NFIB: variants seen among roughly 807,000 people sequenced by gnomAD.
NFIB encodes nuclear factor I B.
NFIB carries 11 observed loss-of-function variants against 61.5 expected under a neutral mutation model. That is an observed-to-expected ratio of 0.18 (90% CI 0.11 to 0.30). The LOEUF (loss-of-function observed/expected upper bound fraction) is 0.30. NFIB is among the 10% of genes least tolerant of loss of function. The pLI, the probability that NFIB is intolerant of heterozygous loss-of-function variation, is 1.00. For missense variants in NFIB, 471 were observed against 608.9 expected, an observed-to-expected ratio of 0.77 and a Z score of 2.38; for synonymous variants, 260 against 216.5, an observed-to-expected ratio of 1.20 and a Z score of -1.76.
At chr9:14,479,705 G>A in the NFIB span, among the ~76,000 whole-genome samples, 6 of 152,116 alleles carry the variant, frequency 3.9e-5, no homozygotes, top group African/African-American at 1.4e-4. Flanking sequence ...CAAAGGCTTC[G>A]CATACCTTCC....
intron 10 of NFIB, among the ~76,000 whole-genome samples, chr9:14,095,387 T>C (rs1169097574): frequency 6.6e-6 from 1 of 152,134 alleles, no homozygotes; most frequent in East Asian, 1.9e-4. Flanking sequence ...TATACAATTA[T>C]CAGGCTCAGA....
intron 10 of NFIB, among the ~76,000 whole-genome samples, chr9:14,106,795 T>C (rs1046748031): frequency 3.3e-5 from 5 of 152,090 alleles, no homozygotes; most frequent in Non-Finnish European, 1.5e-5. Context: ...TTTTGTTAAA[T>C]ACACAGCAAT....
chr9:14,154,652 C>A (rs1189949506), intron 4 of NFIB, among the ~76,000 whole-genome samples: 1 of 152,050 alleles, frequency 6.6e-6, no homozygotes, highest in African/African-American at 2.4e-5. Flanking sequence ...GTAAAAAGAC[C>A]CATGAGAGAA....
the NFIB span, among the ~76,000 whole-genome samples, chr9:14,411,168 A>C: frequency 3.3e-5 from 5 of 152,224 alleles, no homozygotes; most frequent in African/African-American, 1.2e-4. Flanking sequence ...CCCAACCTTC[A>C]GACTTCCCAC....
chr9:14,379,902 C>T (rs577486646), intron 1 of NFIB, among the ~76,000 whole-genome samples: 10 of 151,902 alleles, frequency 6.6e-5, no homozygotes, highest in Non-Finnish European at 1.3e-4. Context: ...AGGCTGGTCT[C>T]GAACTCCTGA....
intron 2 of NFIB, among the ~76,000 whole-genome samples, chr9:14,206,708 A>C (rs1461644915): frequency 1.3e-5 from 2 of 151,274 alleles, no homozygotes; most frequent in Non-Finnish European, 2.9e-5. Flanking sequence ...AAAAAAAAAA[A>C]AAAAAAAAAA....
chr9:14,355,277 C>T (rs966954527), intron 1 of NFIB, among the ~76,000 whole-genome samples: 1 of 152,134 alleles, frequency 6.6e-6, no homozygotes, highest in Non-Finnish European at 1.5e-5. Flanking sequence ...GATTAGGACA[C>T]AGACATGTAT....
the NFIB span, among the ~76,000 whole-genome samples, chr9:14,451,558 A>G: frequency 6.6e-6 from 1 of 152,206 alleles, no homozygotes; most frequent in East Asian, 1.9e-4. Context: ...ACCCACAAAT[A>G]CCACTTCAGG....
At chr9:14,266,168 A>C (rs1316845687) in intron 2 of NFIB, among the ~76,000 whole-genome samples, 1 of 152,152 alleles carries the variant, frequency 6.6e-6, no homozygotes, top group Non-Finnish European at 1.5e-5. Context: ...TGACAGCTCC[A>C]CTGGCTTCTA....
At chr9:14,127,738 C>T (rs1289001897) in intron 6 of NFIB, among the ~76,000 whole-genome samples, 1 of 151,922 alleles carries the variant, frequency 6.6e-6, no homozygotes. Flanking sequence ...TAAAGGCATT[C>T]ATAAAATTAA....
intron 2 of NFIB, among the ~76,000 whole-genome samples, chr9:14,261,902 T>C (rs1478694459): frequency 6.6e-6 from 1 of 152,154 alleles, no homozygotes; most frequent in African/African-American, 2.4e-5. Context: ...TTGAGGCAGA[T>C]AAGGGAACTT....
intron 1 of NFIB, among the ~76,000 whole-genome samples, chr9:14,337,326 A>G (rs908837075): frequency 3.9e-5 from 6 of 152,264 alleles, no homozygotes; most frequent in Non-Finnish European, 1.5e-5. Flanking sequence ...AGCAAGTCAT[A>G]AAAGGATACA....
intron 2 of NFIB, among the ~76,000 whole-genome samples, chr9:14,290,757 T>C (rs1165002773): frequency 1.3e-5 from 2 of 152,096 alleles, no homozygotes; most frequent in African/African-American, 4.8e-5. Flanking sequence ...AAAAAGGAGA[T>C]TTTCCTAGTT....
intron 10 of NFIB, among the ~76,000 whole-genome samples, chr9:14,102,007 T>G (rs186661251): frequency 2.1e-3 from 323 of 152,234 alleles, no homozygotes; most frequent in Middle Eastern, 0.017. Context: ...GTGAAATGGC[T>G]TAGAATTAGC....
chr9:14,263,873 G>A (rs980621153), intron 2 of NFIB, among the ~76,000 whole-genome samples: 9 of 152,126 alleles, frequency 5.9e-5, no homozygotes, highest in African/African-American at 2.2e-4. Flanking sequence ...TATCCTCCTC[G>A]TACAAACTAT....
At chr9:14,340,584 A>G (rs375832751) in intron 1 of NFIB, among the ~76,000 whole-genome samples, 4 of 152,350 alleles carry the variant, frequency 2.6e-5, no homozygotes, top group African/African-American at 4.8e-5. Context: ...TTCTTGTTCT[A>G]TAGAAGGGGT....
intron 2 of NFIB, among the ~76,000 whole-genome samples, chr9:14,190,889 A>C (rs955727235): frequency 6.6e-6 from 1 of 152,192 alleles, no homozygotes; most frequent in Non-Finnish European, 1.5e-5. Context: ...TAAAGAGAAC[A>C]GTTTAAAATA....
chr9:14,175,410 G>T (rs557700678), intron 3 of NFIB, among the ~76,000 whole-genome samples: 1 of 151,966 alleles, frequency 6.6e-6, no homozygotes, highest in Non-Finnish European at 1.5e-5. Context: ...TCCTGACCTC[G>T]TGATCCACTC....
chr9:14,231,529 G>A (rs554036358), intron 2 of NFIB, among the ~76,000 whole-genome samples: 1 of 152,080 alleles, frequency 6.6e-6, no homozygotes, highest in African/African-American at 2.4e-5. Context: ...TGATTGCATA[G>A]AAAGAAAAGT....
Sources: allele counts gnomAD v4.1 joint callset (sites outside exome capture counted in the v4.1 genomes callset), GRCh38; gene constraint gnomAD v4.1.1; transcripts MANE v1.5; gene names NCBI Gene and HGNC (gene_info 2026-07-23, HGNC 2026-07-21).